The following CNTN5 variants were observed in gnomAD, a reference collection of about 807,000 sequenced individuals.
CNTN5 encodes contactin-5.
CNTN5 carries 77 observed loss-of-function variants against 129.1 expected under a neutral mutation model. That is an observed-to-expected ratio of 0.60 (90% CI 0.50 to 0.72). CNTN5 has a LOEUF of 0.72. Ranked by LOEUF, CNTN5 falls within the 30% of genes least tolerant of loss-of-function variation. The pLI is 0.00. For synonymous variants in CNTN5, 509 were observed against 465.6 expected (o/e 1.09, Z -1.20); for missense variants, 1,478 against 1,328.8 (o/e 1.11, Z -1.75).
chr11:99,864,473 C>T (rs532602507), intron 6 of CNTN5, among the ~76,000 whole-genome samples: 10 of 151,982 alleles, frequency 6.6e-5, no homozygotes, highest in Non-Finnish European at 7.4e-5. Context: ...ATGTTTTTAC[C>T]CTTGGCTGCC....
chr11:100,103,039 A>G (rs753312329), intron 13 of CNTN5, among the ~76,000 whole-genome samples: 2 of 152,286 alleles, frequency 1.3e-5, no homozygotes, highest in East Asian at 3.9e-4. Context: ...ACGCACTTGG[A>G]CTTCTAGCTC....
intron 8 of CNTN5, among the ~76,000 whole-genome samples, chr11:99,998,102 G>T (rs971456845): frequency 2.7e-4 from 41 of 151,996 alleles, no homozygotes; most frequent in African/African-American, 9.6e-4. Flanking sequence ...CACAAGACAG[G>T]GATGCCCTCT....
At chr11:100,340,756 G>T (rs1952140875) in intron 22 of CNTN5, 107 bp downstream of exon 22, 4 of 993,826 alleles carry the variant, frequency 4.0e-6, no homozygotes, top group Admixed American at 3.0e-5. Context: ...GGGGAGTTTT[G>T]ATTCATAGTC....
At chr11:99,637,800 A>G (rs1350238145) in intron 3 of CNTN5, among the ~76,000 whole-genome samples, 1 of 151,512 alleles carries the variant, frequency 6.6e-6, no homozygotes, top group African/African-American at 2.4e-5. Flanking sequence ...TATTATCTAC[A>G]TATTATTTTA....
At chr11:99,938,417 G>C (rs1033942875) in intron 7 of CNTN5, among the ~76,000 whole-genome samples, 3 of 152,008 alleles carry the variant, frequency 2.0e-5, no homozygotes, top group African/African-American at 7.3e-5. Context: ...GTACTAAAAC[G>C]GTTACTATGT....
chr11:100,082,892 C>T (rs1309864073), intron 13 of CNTN5, among the ~76,000 whole-genome samples: 1 of 152,094 alleles, frequency 6.6e-6, no homozygotes, highest in Non-Finnish European at 1.5e-5. Flanking sequence ...GTTTAATTGG[C>T]TCACAGTTCT....
At chr11:99,824,019 A>T (rs1271295502) in intron 4 of CNTN5, among the ~76,000 whole-genome samples, 1 of 152,012 alleles carries the variant, frequency 6.6e-6, no homozygotes, top group Non-Finnish European at 1.5e-5. Flanking sequence ...CATTTCCTGT[A>T]AAGCATACCA....
chr11:99,416,141 C>G (rs1184333055), intron 2 of CNTN5, among the ~76,000 whole-genome samples: 2 of 152,072 alleles, frequency 1.3e-5, no homozygotes, highest in African/African-American at 4.8e-5. Context: ...TTAGCAAATG[C>G]TATATAATTC....
intron 7 of CNTN5, among the ~76,000 whole-genome samples, chr11:99,935,722 G>C (rs1300622774): frequency 6.6e-6 from 1 of 152,074 alleles, no homozygotes; most frequent in Non-Finnish European, 1.5e-5. Flanking sequence ...CTTTCAAAAA[G>C]AGTGTAACAA....
At chr11:100,208,191 AT>A (rs1269078926) in intron 15 of CNTN5, among the ~76,000 whole-genome samples, 1 of 152,164 alleles carries the variant, frequency 6.6e-6, no homozygotes, top group Non-Finnish European at 1.5e-5. Flanking sequence ...GTCTCTATCA[AT>A]TTTCACTACA....
At chr11:99,844,570 A>G in intron 4 of CNTN5, 1 of 397,034 alleles carries the variant, frequency 2.5e-6, no homozygotes, top group Non-Finnish European at 4.7e-6. Context: ...TCTGATTTTG[A>G]AAAATGAAAA....
chr11:99,581,846 A>G (rs899917149), intron 3 of CNTN5, among the ~76,000 whole-genome samples: 123 of 152,230 alleles, frequency 8.1e-4, no homozygotes, highest in African/African-American at 2.7e-3. Context: ...TTATTGTTAT[A>G]TGTGAATTTG....
At chr11:100,204,297 AATATATATATATATAT>A (rs10633078) in intron 15 of CNTN5, among the ~76,000 whole-genome samples, 1,256 of 17,658 alleles carry the variant, frequency 0.071, 88 homozygotes, top group African/African-American at 0.091. Context: ...AACATTGACT[AATATATATATATATAT>A]ATATATATAT....
At chr11:100,001,336 G>A (rs1356106664) in intron 8 of CNTN5, among the ~76,000 whole-genome samples, 1 of 152,074 alleles carries the variant, frequency 6.6e-6, no homozygotes, top group Non-Finnish European at 1.5e-5. Flanking sequence ...CAGCATGGGG[G>A]AATCTACCTC....
intron 2 of CNTN5, among the ~76,000 whole-genome samples, chr11:99,505,768 G>A (rs974250737): frequency 1.3e-5 from 2 of 152,028 alleles, no homozygotes; most frequent in African/African-American, 4.8e-5. Flanking sequence ...ATTTCTCCAG[G>A]TTAGTAAAAA....
chr11:99,542,299 C>T (rs1948144961), intron 2 of CNTN5, among the ~76,000 whole-genome samples: 1 of 152,108 alleles, frequency 6.6e-6, no homozygotes, highest in Non-Finnish European at 1.5e-5. Context: ...TACCCAGTAA[C>T]CAACCTCTTC....
chr11:99,424,128 G>C (rs1323601826), intron 2 of CNTN5, among the ~76,000 whole-genome samples: 1 of 152,100 alleles, frequency 6.6e-6, no homozygotes, highest in Non-Finnish European at 1.5e-5. Context: ...AGTAAAAGAT[G>C]TATAACAATA....
At chr11:99,451,995 C>T (rs1490765380) in intron 2 of CNTN5, among the ~76,000 whole-genome samples, 3 of 152,026 alleles carry the variant, frequency 2.0e-5, no homozygotes, top group Admixed American at 6.6e-5. Context: ...GTACAAATTG[C>T]TATGTGTTCA....
At chr11:99,748,330 T>C (rs1199627578) in intron 3 of CNTN5, among the ~76,000 whole-genome samples, 1 of 152,116 alleles carries the variant, frequency 6.6e-6, no homozygotes, top group African/African-American at 2.4e-5. Flanking sequence ...CTCGAAGCCA[T>C]CAAATCCTGG....
Sources: gnomAD v4.1 joint callset for allele counts (sites outside exome capture counted in the v4.1 genomes callset) on GRCh38, gnomAD v4.1.1 for gene constraint, MANE v1.5 for transcripts, NCBI Gene and HGNC (gene_info 2026-07-23, HGNC 2026-07-21) for gene names.